Variants in TMIGD2 observed in about 807,000 individuals in gnomAD.
TMIGD2 encodes the protein transmembrane and immunoglobulin domain-containing protein 2.
TMIGD2 carries 18 observed loss-of-function variants against 22.6 expected under a neutral mutation model. The ratio of observed to expected loss-of-function variants is 0.80; its 90% CI spans 0.55 to 1.18. The LOEUF (loss-of-function observed/expected upper bound fraction) is 1.18. Among genes scored for constraint, TMIGD2 ranks in the 50% most tolerant of loss-of-function variants. The pLI is 0.00. For missense variants in TMIGD2, 361 were observed against 378.2 expected, an observed-to-expected ratio of 0.95 and a Z score of 0.38; for synonymous variants, 184 against 154.1, an observed-to-expected ratio of 1.19 and a Z score of -1.44.
chr19:4,300,800 G>A (rs367736507), intron 1 of TMIGD2, among the ~76,000 whole-genome samples: 5 of 152,216 alleles, frequency 3.3e-5, no homozygotes, highest in East Asian at 3.8e-4. Flanking sequence ...GAGGAGGCCC[G>A]TGTGGCTGGA....
At chr19:4,296,208 T>C (rs1417992681) in intron 2 of TMIGD2, among the ~76,000 whole-genome samples, 1 of 152,194 alleles carries the variant, frequency 6.6e-6, no homozygotes, top group African/African-American at 2.4e-5. Flanking sequence ...CGTGAGCCAC[T>C]GCACTTGGAT....
At chr19:4,297,099 CAG>C (rs1193644064) in intron 2 of TMIGD2, among the ~76,000 whole-genome samples, 2 of 106,512 alleles carry the variant, frequency 1.9e-5, no homozygotes, top group South Asian at 3.5e-4. Context: ...TTTTTTGAGA[CAG>C]AGTCTTGCTC....
At chr19:4,298,579 T>C (rs978587284) in intron 1 of TMIGD2, among the ~76,000 whole-genome samples, 4 of 151,982 alleles carry the variant, frequency 2.6e-5, no homozygotes, top group Non-Finnish European at 5.9e-5. Context: ...CTACAATAAA[T>C]ATTTAAAAAG....
intron 4 of TMIGD2, among the ~76,000 whole-genome samples, chr19:4,294,069 T>A (rs1028367366): frequency 1.5e-4 from 23 of 149,120 alleles, no homozygotes; most frequent in Admixed American, 4.0e-4. Context: ...GCCTAATTTT[T>A]AAATTTTTTT....
intron 2 of TMIGD2, among the ~76,000 whole-genome samples, chr19:4,296,058 A>G (rs962189441): frequency 2.0e-5 from 3 of 152,064 alleles, no homozygotes. Flanking sequence ...AGCTGGGACT[A>G]TGGGTATATG....
chr19:4,296,125 G>A (rs1971458925), intron 2 of TMIGD2, among the ~76,000 whole-genome samples: 1 of 152,108 alleles, frequency 6.6e-6, no homozygotes, highest in African/African-American at 2.4e-5. Flanking sequence ...TGCTGTGTTG[G>A]CCAAGCTGGT....
At chr19:4,297,951 C>T (rs535500089) in intron 2 of TMIGD2, 35 bp downstream of exon 2, 2 of 1,522,724 alleles carry the variant, frequency 1.3e-6, no homozygotes, top group Non-Finnish European at 1.8e-6. Flanking sequence ...AGGATCCTCC[C>T]CACTGCCCCT....
At chr19:4,294,407 G>C (rs1035691547) in intron 4 of TMIGD2, among the ~76,000 whole-genome samples, 172 bp downstream of exon 4, 2 of 152,110 alleles carry the variant, frequency 1.3e-5, no homozygotes, top group African/African-American at 4.8e-5. Flanking sequence ...CAGGCTAGGG[G>C]CTTTGTCTCT....
intron 2 of TMIGD2, 118 bp downstream of exon 2, chr19:4,297,868 A>C: frequency 7.3e-7 from 1 of 1,371,318 alleles, no homozygotes; most frequent in Non-Finnish European, 9.6e-7. Context: ...TAAAAAAAAA[A>C]AAAAAAGTTT....
intron 2 of TMIGD2, among the ~76,000 whole-genome samples, chr19:4,296,018 A>G (rs1224050217): frequency 1.3e-5 from 2 of 152,052 alleles, no homozygotes; most frequent in Non-Finnish European, 2.9e-5. Context: ...TCCTGGGCTC[A>G]AGTGATCCTC....
At position 4,293,153 on chromosome 19, in the gene TMIGD2, C is replaced by A. The variant is rs193243509; in HGVS notation, c.563-268G>T. 2.0e-5 allele frequency among the ~76,000 whole-genome samples: 3 copies of A among 151,782 alleles called. No individual in the cohort carries two copies. In the East Asian group the frequency reaches 5.8e-4, roughly 29 times the overall value. The stretch of plus-strand genomic sequence containing the variant: ...TGATTTTTTGTATTTTTAGTAGAGA[C>A]GGGGTTTCACTGTTAGCCAGGATGG... On this transcript the variant is annotated intron_variant, in intron 4 of 4. Transcript: ENST00000301272.
At chr19:4,292,716 C>T (rs970808662) in exon 5 of TMIGD2, 30 of 1,606,436 alleles carry the variant, frequency 1.9e-5, no homozygotes, top group East Asian at 1.8e-4. Flanking sequence ...GGCAGGGTCT[C>T]GGGCTGGGGC....
chr19:4,296,317 A>G (rs940851176), intron 2 of TMIGD2, among the ~76,000 whole-genome samples: 2 of 152,354 alleles, frequency 1.3e-5, no homozygotes, highest in Admixed American at 6.5e-5. Context: ...TGGCACAGAG[A>G]GGTCAAGTCA....
intron 1 of TMIGD2, 25 bp downstream of exon 1, chr19:4,302,315 A>G: frequency 6.4e-7 from 1 of 1,559,352 alleles, no homozygotes. Context: ...TGGGGTTCAG[A>G]GGGGAGGGAG....
chr19:4,298,745 A>G (rs1011413809), intron 1 of TMIGD2, among the ~76,000 whole-genome samples: 1 of 151,944 alleles, frequency 6.6e-6, no homozygotes, highest in Non-Finnish European at 1.5e-5. Flanking sequence ...CTAAAAATTT[A>G]ACATAAAAAA....
At chr19:4,295,498 T>C (rs183260984) in intron 2 of TMIGD2, among the ~76,000 whole-genome samples, 1 of 151,542 alleles carries the variant, frequency 6.6e-6, no homozygotes, top group Non-Finnish European at 1.5e-5. Flanking sequence ...AGGCGGAGCT[T>C]GCAGTGAGCC....
Position 4,300,289 on chromosome 19 carries a change from T to C in TMIGD2, c.47-1944A>G, listed in dbSNP as rs140992893. Reference sequence around the variant, plus strand: ...CAAAACAAAACAAGGCCGGGTGCAGTGGCTCACGCCTATAATCCCAGCACT... The same window carrying C: ...CAAAACAAAACAAGGCCGGGTGCAGCGGCTCACGCCTATAATCCCAGCACT... On this transcript the variant is annotated intron_variant, in intron 1 of 4. Coordinates refer to ENST00000301272, the Ensembl canonical transcript of TMIGD2. Among the ~76,000 whole-genome samples, 98 of 146,900 alleles carry C rather than the reference T, an allele frequency of 6.7e-4. 1 individual carries two copies. Among genetic ancestry groups the C allele is most frequent in the African/African-American group, 2.4e-3 (93 of 39,002 alleles).
chr19:4,294,088 G>C (rs1195659007), intron 4 of TMIGD2, among the ~76,000 whole-genome samples: 2 of 145,374 alleles, frequency 1.4e-5, no homozygotes, highest in Non-Finnish European at 3.0e-5. Flanking sequence ...TTTTTTTTGA[G>C]ACCGCGTCTT....
intron 2 of TMIGD2, among the ~76,000 whole-genome samples, chr19:4,297,165 C>A (rs184168496): frequency 2.0e-5 from 3 of 151,294 alleles, no homozygotes; most frequent in Admixed American, 6.6e-5. Flanking sequence ...CAACCTCCCC[C>A]TCCCGGATTC....
Sources: allele counts gnomAD v4.1 joint callset (sites outside exome capture counted in the v4.1 genomes callset), GRCh38; gene constraint gnomAD v4.1.1; transcripts MANE v1.5; gene names NCBI Gene and HGNC (gene_info 2026-07-23, HGNC 2026-07-21).